The following TMEM59 variants were observed in gnomAD, a reference collection of about 807,000 sequenced individuals.
TMEM59 encodes dendritic cell factor 1.
A neutral mutation model predicts 42.2 loss-of-function variants in TMEM59; 44 were observed. The ratio of observed to expected loss-of-function variants is 1.04; its 90% CI spans 0.82 to 1.34. The LOEUF is 1.34. TMEM59 is among the 40% of genes most tolerant of loss of function. The pLI, the probability that TMEM59 is intolerant of heterozygous loss-of-function variation, is 0.00. For synonymous variants in TMEM59, 148 were observed against 145.8 expected, an observed-to-expected ratio of 1.02 and a Z score of -0.11; for missense variants, 359 against 382.8, an observed-to-expected ratio of 0.94 and a Z score of 0.52.
chr1:54,045,478 T>C (rs977527993), intron 3 of TMEM59: 2 of 479,836 alleles, frequency 4.2e-6, no homozygotes, highest in Admixed American at 3.8e-5. Flanking sequence ...AGAAACAAAA[T>C]AAGATTATGA....
intron 1 of TMEM59, among the ~76,000 whole-genome samples, chr1:54,051,342 G>C (rs1203156339): frequency 6.6e-6 from 1 of 152,136 alleles, no homozygotes; most frequent in African/African-American, 2.4e-5. Context: ...ATAATGGTAT[G>C]ATAAATCTCC....
chr1:54,042,046 G>GT lies in TMEM59; in HGVS notation c.544-242dup, dbSNP rs1253767145. Reference sequence around the variant, plus strand: ...TATGTTAGTTTAACTTCCTGACAACGTTTTGTTTTGTTTTTTTTTTTTTTT... The same window carrying GT: ...TATGTTAGTTTAACTTCCTGACAACGTTTTTGTTTTGTTTTTTTTTTTTTTT... On this transcript the variant is annotated intron_variant, in intron 4 of 7. Coordinates refer to ENST00000234831, the MANE Select transcript of TMEM59 (RefSeq NM_004872.5). 4.4e-3 allele frequency among the ~76,000 whole-genome samples: 624 copies of GT among 142,606 alleles called. 7 individuals are homozygous for GT. Among genetic ancestry groups the GT allele is most frequent in the African/African-American group, 0.016 (577 of 35,184 alleles). The allele number at this position is 142,606 out of a possible 152,430, so 93.6% of individuals were successfully genotyped here.
At chr1:54,045,490 C>T (rs549493847) in intron 3 of TMEM59, 142 of 494,378 alleles carry the variant, frequency 2.9e-4, no homozygotes, top group Admixed American at 1.1e-3. Flanking sequence ...AGATTATGAA[C>T]GTAAGCATAA....
Position 54,027,158 on chromosome 1 carries a change from TAG to T in TMEM59, c.*4990_*4991del, listed in dbSNP as rs1347646944. 3.9e-4 allele frequency: 59 copies of T among 152,314 alleles called. 1 individual carries two copies. The highest frequency in any genetic ancestry group is 1.4e-3 in the African/African-American group (57 of 41,564). The allele number at this position is 152,314 out of a possible 1,614,324, so 9.4% of individuals were successfully genotyped here. The stretch of plus-strand genomic sequence containing the variant: ...AGAGTACCTGTGACTTTGTCACCAA[TAG>T]AAATGAGACATTTAGATATATTACA... On this transcript the variant is annotated 3_prime_UTR_variant, in exon 8 of 8. Transcript: ENST00000234831.
At position 54,040,838 on chromosome 1, in the gene TMEM59, C is replaced by G. The variant is rs754431466; in HGVS notation, c.626-1G>C. 8.7e-6 allele frequency: 14 copies of G among 1,613,224 alleles called. No homozygotes were observed. The highest frequency in any genetic ancestry group is 1.1e-5 in the Non-Finnish European group (13 of 1,179,414). On this transcript the variant is annotated splice_acceptor_variant, in intron 5 of 7. Coordinates refer to ENST00000234831, the MANE Select transcript of TMEM59 (RefSeq NM_004872.5). LOFTEE classifies it high-confidence loss of function. ...GCTTGTGAATTTCTCATTTGCAGAT[C>G]TGCTGAAATAGTAAGTATGAGTTTA...
intron 6 of TMEM59, 106 bp from the exon 7 acceptor site, chr1:54,036,824 T>C: frequency 1.6e-6 from 1 of 625,802 alleles, no homozygotes; most frequent in East Asian, 3.1e-5. Context: ...AATTAAAACT[T>C]TGTTGGTTAT....
At chr1:54,052,199 C>CA (rs1216418749) in intron 1 of TMEM59, among the ~76,000 whole-genome samples, 2 of 152,040 alleles carry the variant, frequency 1.3e-5, no homozygotes, top group Non-Finnish European at 2.9e-5. Context: ...GTTGAGTAAA[C>CA]AGAGTTCTTA....
intron 6 of TMEM59, among the ~76,000 whole-genome samples, chr1:54,039,951 G>C (rs1657082886): frequency 1.3e-5 from 2 of 151,774 alleles, no homozygotes; most frequent in African/African-American, 4.8e-5. Flanking sequence ...TTCCTAGGAG[G>C]GCATATGGTA....
In TMEM59 at chr1:54,032,273, C is replaced by G. The variant is rs1656788412; in HGVS notation, c.849G>C (p.Met283Ile). The change falls in exon 8 of 8, where the codon ATG (methionine) becomes ATC (isoleucine). Residue 283 changes from methionine (M) to isoleucine (I), a missense_variant. Physicochemically the swap from Met to Ile is conservative, Grantham distance 10. Transcript: ENST00000234831. ...GATATCTGTTTAGCTTTTGTTCATT[C>G]ATAAACTCCAAGTCACCATAGATAC... The part of the protein sequence containing the change: ...KLSIYGDLEF[M>I]NEQKLNRYPA... 6.2e-7 allele frequency: 1 copy of G among 1,610,134 alleles called. No individual in the cohort carries two copies. The highest frequency in any genetic ancestry group is 1.7e-5 in the Admixed American group (1 of 59,868).
chr1:54,050,617 G>C (rs894784871), intron 1 of TMEM59, among the ~76,000 whole-genome samples: 5 of 150,144 alleles, frequency 3.3e-5, no homozygotes, highest in Non-Finnish European at 7.4e-5. Flanking sequence ...AGGCTGGAGT[G>C]CGGTGGCGCG....
At chr1:54,039,418 CA>C (rs1300865633) in intron 6 of TMEM59, among the ~76,000 whole-genome samples, 1 of 152,138 alleles carries the variant, frequency 6.6e-6, no homozygotes, top group East Asian at 1.9e-4. Flanking sequence ...TATCAAACTG[CA>C]ACATACATCC....
intron 4 of TMEM59, among the ~76,000 whole-genome samples, chr1:54,042,480 GA>G (rs1200172556): frequency 2.6e-5 from 4 of 152,170 alleles, no homozygotes; most frequent in African/African-American, 9.6e-5. Flanking sequence ...AATTTAAAGA[GA>G]AAATTCCTGT....
At chr1:54,046,145 T>C (rs998310612) in intron 2 of TMEM59, among the ~76,000 whole-genome samples, 1 of 152,200 alleles carries the variant, frequency 6.6e-6, no homozygotes, top group Admixed American at 6.5e-5. Flanking sequence ...TGACCTGAGC[T>C]GAGCAGTTTA....
chr1:54,052,911 C>A, intron 1 of TMEM59, 89 bp downstream of exon 1: 1 of 1,445,882 alleles, frequency 6.9e-7, no homozygotes, highest in Non-Finnish European at 9.4e-7. Flanking sequence ...GCCGATTTAA[C>A]AGCCAGGTTG....
intron 1 of TMEM59, chr1:54,048,154 T>A (rs914722): frequency 0.31 from 47,655 of 152,014 alleles, 7,780 homozygotes; most frequent in Admixed American, 0.44. Context: ...AAGGGCCTGA[T>A]AAAGTAAGGT....
At chr1:54,050,997 C>T (rs1444357189) in intron 1 of TMEM59, among the ~76,000 whole-genome samples, 1 of 151,850 alleles carries the variant, frequency 6.6e-6, no homozygotes, top group Admixed American at 6.6e-5. Flanking sequence ...TACAGGTGCT[C>T]GTCTCCATGC....
At chr1:54,046,912 G>A (rs1657357446) in intron 2 of TMEM59, among the ~76,000 whole-genome samples, 1 of 152,204 alleles carries the variant, frequency 6.6e-6, no homozygotes, top group Non-Finnish European at 1.5e-5. Flanking sequence ...AAAACTTGGA[G>A]ATAAGTCGAT....
At chr1:54,052,868 G>C in intron 1 of TMEM59, 132 bp downstream of exon 1, 3 of 1,027,666 alleles carry the variant, frequency 2.9e-6, no homozygotes, top group Non-Finnish European at 4.3e-6. Context: ...GAGGAAAACA[G>C]GAGCTACACA....
chr1:54,043,704 T>C (rs576265746), intron 3 of TMEM59, 179 bp from the exon 4 acceptor site: 2 of 297,102 alleles, frequency 6.7e-6, no homozygotes, highest in African/African-American at 4.4e-5. Flanking sequence ...ATGGTAAAGC[T>C]TAAAAACCAA....
Sources: allele counts gnomAD v4.1 joint callset (sites outside exome capture counted in the v4.1 genomes callset), GRCh38; gene constraint gnomAD v4.1.1; transcripts MANE v1.5; gene names NCBI Gene and HGNC (gene_info 2026-07-23, HGNC 2026-07-21).